TRPM8: variants seen among roughly 807,000 people sequenced by gnomAD.
The protein encoded by TRPM8 is TRPM8 cationic channel.
In TRPM8, 110 loss-of-function variants were observed where a neutral mutation model predicts 133.7. That is an observed-to-expected ratio of 0.82 (90% CI 0.70 to 0.96). The LOEUF (loss-of-function observed/expected upper bound fraction) is 0.96, where lower values mean the gene tolerates loss of function less well. Ranked by LOEUF, TRPM8 falls within the 40% of genes least tolerant of loss-of-function variation. The pLI, the probability that TRPM8 is intolerant of heterozygous loss-of-function variation, is 0.00. For synonymous variants in TRPM8, 535 were observed against 532.3 expected (o/e 1.01, Z -0.07); for missense variants, 1,291 against 1,379.5 (o/e 0.94, Z 1.02).
chr2:233,939,909 A>G (rs1559521359), intron 5 of TRPM8, among the ~76,000 whole-genome samples: 1 of 152,026 alleles, frequency 6.6e-6, no homozygotes, highest in South Asian at 2.1e-4. Flanking sequence ...ACCCAGTACA[A>G]TTTTCAAACC....
At chr2:233,936,891 CTTTTTTTTT>C (rs5839499) in intron 3 of TRPM8, among the ~76,000 whole-genome samples, 2 of 101,328 alleles carry the variant, frequency 2.0e-5, no homozygotes, top group Non-Finnish European at 3.9e-5. Context: ...TCTTTCTTTC[CTTTTTTTTT>C]TTTTTTTTTT....
At position 234,006,878 on chromosome 2, in the gene TRPM8, T is replaced by C; in HGVS notation, c.3156T>C (p.Thr1052=). 1 of 1,613,864 alleles carries C rather than the reference T, an allele frequency of 6.2e-7. No individual in the cohort carries two copies. The highest frequency in any genetic ancestry group is 8.5e-7 in the Non-Finnish European group (1 of 1,179,790). The change falls in exon 23 of 26, where the codon ACT becomes ACC. Residue 1052 remains threonine (T), a synonymous_variant. Coordinates refer to ENST00000324695, the MANE Select transcript of TRPM8 (RefSeq NM_024080.5). ...GTTTCAAAAATGAAGACAATGAGAC[T>C]CTGGCATGGGAGGGTGTCATGAAGG... ...VCCFKNEDNE[T]LAWEGVMKEN...
intron 6 of TRPM8, among the ~76,000 whole-genome samples, chr2:233,943,177 G>A (rs984704550): frequency 9.0e-5 from 13 of 144,364 alleles, no homozygotes; most frequent in African/African-American, 3.4e-4. Context: ...TGTTGCATAT[G>A]TATACATGTG....
intron 17 of TRPM8, among the ~76,000 whole-genome samples, chr2:233,973,826 A>C (rs1474404766): frequency 6.6e-6 from 1 of 152,212 alleles, no homozygotes; most frequent in Non-Finnish European, 1.5e-5. Flanking sequence ...CATTTAAAAC[A>C]GGGTGGGCCC....
intron 24 of TRPM8, among the ~76,000 whole-genome samples, chr2:234,008,710 A>G (rs373426125): frequency 1.1e-4 from 16 of 151,938 alleles, no homozygotes; most frequent in African/African-American, 3.4e-4. Flanking sequence ...ACATTCATAG[A>G]CCTCCCAGTG....
intron 8 of TRPM8, among the ~76,000 whole-genome samples, chr2:233,948,093 T>C (rs573680810): frequency 1.1e-4 from 16 of 152,342 alleles, no homozygotes; most frequent in African/African-American, 3.4e-4. Flanking sequence ...TTACCCATCC[T>C]ATTTTACCTC....
chr2:233,929,250 A>G (rs1001932811), intron 2 of TRPM8, among the ~76,000 whole-genome samples: 2 of 152,154 alleles, frequency 1.3e-5, no homozygotes, highest in Non-Finnish European at 2.9e-5. Flanking sequence ...GTGAAGGTAA[A>G]CATCCCTCTT....
At chr2:234,006,826 A>T in intron 22 of TRPM8, 27 bp from the exon 23 acceptor site, 1 of 1,546,906 alleles carries the variant, frequency 6.5e-7, no homozygotes, top group Middle Eastern at 1.7e-4. Flanking sequence ...AAACAATTTG[A>T]ATGTTTTCTT....
chr2:233,972,830 G>A (rs1437680068), intron 17 of TRPM8, among the ~76,000 whole-genome samples: 3 of 152,152 alleles, frequency 2.0e-5, no homozygotes, highest in African/African-American at 7.2e-5. Context: ...ACGCAGCCCC[G>A]GTTCCCGCTC....
intron 17 of TRPM8, among the ~76,000 whole-genome samples, chr2:233,975,609 G>C (rs999769527): frequency 6.6e-6 from 1 of 152,198 alleles, no homozygotes; most frequent in African/African-American, 2.4e-5. Context: ...GGCTGGGCAC[G>C]GTGGCTCCCG....
chr2:233,927,860 C>CTTTCTCTTTCTT (rs1553653795), intron 2 of TRPM8, among the ~76,000 whole-genome samples: 1 of 24,092 alleles, frequency 4.2e-5, no homozygotes. Context: ...TCCTTTCTTT[C>CTTTCTCTTTCTT]TCTTTCTTTC....
intron 11 of TRPM8, 58 bp from the exon 12 acceptor site, chr2:233,960,718 G>A (rs78862506): frequency 6.9e-7 from 1 of 1,453,158 alleles, no homozygotes; most frequent in Non-Finnish European, 9.5e-7. Context: ...AATGCCTAGT[G>A]CTTTCCTTAC....
Position 233,981,953 on chromosome 2 carries a change from G to A in TRPM8, c.2589+38G>A, listed in dbSNP as rs201635110. On this transcript the variant is annotated intron_variant, in intron 19 of 25. Transcript: ENST00000324695. The stretch of plus-strand genomic sequence containing the variant: ...AATATTTGTAGTCATCATTTTTCTT[G>A]CGGGGCCCAGAGTTCTTTTAATGGT... 22 of 1,560,186 alleles carry A rather than the reference G, an allele frequency of 1.4e-5. No individual in the cohort carries two copies. The African/African-American group carries it at 2.5e-4, about 18-fold the overall frequency.
Position 234,018,168 on chromosome 2 carries a change from G to A in TRPM8, c.*912G>A. On this transcript the variant is annotated 3_prime_UTR_variant, in exon 26 of 26. Coordinates refer to ENST00000324695, the MANE Select transcript of TRPM8 (RefSeq NM_024080.5). Reference sequence around the variant, plus strand: ...ATTCTCTTTCAAAATTTTACAGAATGTTATCATACTACATATATACTTTTT... The same window carrying A: ...ATTCTCTTTCAAAATTTTACAGAATATTATCATACTACATATATACTTTTT... 1 of 152,052 alleles carries A rather than the reference G, an allele frequency of 6.6e-6. No homozygotes were observed. Among genetic ancestry groups the A allele is most frequent in the Middle Eastern group, 3.4e-3 (1 of 294 alleles). 9.4% of individuals were successfully genotyped at this position (152,052 alleles called of 1,614,324 possible). A position where few individuals can be genotyped will look rare whatever the true frequency, so the allele number is the denominator to read the frequency against.
At chr2:234,015,114 T>C (rs1692927446) in intron 25 of TRPM8, among the ~76,000 whole-genome samples, 1 of 152,368 alleles carries the variant, frequency 6.6e-6, no homozygotes, top group East Asian at 1.9e-4. Flanking sequence ...TAATCATCTT[T>C]TTACTAACAA....
chr2:233,965,285 A>G (rs1480784529), intron 14 of TRPM8, among the ~76,000 whole-genome samples: 1 of 152,176 alleles, frequency 6.6e-6, no homozygotes, highest in Non-Finnish European at 1.5e-5. Context: ...CTCGAATAAC[A>G]GTTGCCCTGC....
chr2:233,936,201 C>A (rs556523715), intron 3 of TRPM8, among the ~76,000 whole-genome samples: 1 of 152,198 alleles, frequency 6.6e-6, no homozygotes, highest in South Asian at 2.1e-4. Flanking sequence ...CCTAAGAGAC[C>A]AACTTAAAGG....
At chr2:233,955,446 G>A in intron 11 of TRPM8, 196 bp downstream of exon 11, 1 of 474,570 alleles carries the variant, frequency 2.1e-6, no homozygotes, top group Non-Finnish European at 3.8e-6. Flanking sequence ...TAGGTTTGTT[G>A]TGAAGAGATA....
intron 3 of TRPM8, among the ~76,000 whole-genome samples, chr2:233,931,242 A>T (rs1304685462): frequency 6.6e-6 from 1 of 152,200 alleles, no homozygotes; most frequent in Non-Finnish European, 1.5e-5. Flanking sequence ...AGCCTACAGG[A>T]GTTCTTCAAT....
Sources: gnomAD v4.1 joint callset for allele counts (sites outside exome capture counted in the v4.1 genomes callset) on GRCh38, gnomAD v4.1.1 for gene constraint, MANE v1.5 for transcripts, NCBI Gene and HGNC (gene_info 2026-07-23, HGNC 2026-07-21) for gene names.